Variants in MED13 observed in about 807,000 individuals in gnomAD.
MED13 encodes the protein mediator of RNA polymerase II transcription subunit 13.
In MED13, 23 loss-of-function variants were observed where a neutral mutation model predicts 225.2. The observed-to-expected ratio is 0.10, with a 90% CI of 0.07 to 0.14. The LOEUF is 0.14. Among genes scored for constraint, MED13 ranks in the 10% least tolerant of loss-of-function variants. The pLI, the probability that MED13 is intolerant of heterozygous loss-of-function variation, is 1.00. For missense variants in MED13, 2,197 were observed against 2,594.5 expected, an observed-to-expected ratio of 0.85 and a Z score of 3.33; for synonymous variants, 942 against 889.2, an observed-to-expected ratio of 1.06 and a Z score of -1.06.
chr17:61,995,045 T>C (rs1183522468), intron 10 of MED13, 107 bp downstream of exon 10: 1 of 854,908 alleles, frequency 1.2e-6, no homozygotes, highest in Non-Finnish European at 1.8e-6. Context: ...GATTACTCTT[T>C]CTATTCTAAG....
Position 62,023,881 on chromosome 17 carries a change from T to A in MED13, c.1283+5660A>T, listed in dbSNP as rs543465158. The stretch of plus-strand genomic sequence containing the variant: ...AAGTACAAAATGTAATACTAATTTT[T>A]TTAAGTAAATTATTAGAAATGCTGT... On this transcript the variant is annotated intron_variant, in intron 8 of 29. Transcript: ENST00000397786. Among the ~76,000 whole-genome samples, 8 of 152,326 alleles carry A rather than the reference T, an allele frequency of 5.3e-5. No homozygotes were observed. In the East Asian group the frequency reaches 1.5e-3, roughly 29 times the overall value.
Position 61,950,810 on chromosome 17 carries a change from C to T in MED13, c.6291+15G>A, listed in dbSNP as rs777199747. The T allele has an allele frequency of 1.3e-6, 2 of 1,598,022 alleles. No homozygotes were observed. The highest frequency in any genetic ancestry group is 2.2e-5 in the East Asian group (1 of 44,584). On this transcript the variant is annotated intron_variant, in intron 28 of 29. Transcript: ENST00000397786. ...AATCAGAATTATTTAGGAACTGGGA[C>T]AGAAATGGCAATACCTTAAGAAAAA...
intron 11 of MED13, among the ~76,000 whole-genome samples, chr17:61,990,355 A>G (rs2080285195): frequency 6.6e-6 from 1 of 151,874 alleles, no homozygotes; most frequent in African/African-American, 2.4e-5. Context: ...AAATAATTCC[A>G]AGTGTTTGCT....
chr17:61,960,109 C>T (rs2079986005), intron 23 of MED13, among the ~76,000 whole-genome samples: 1 of 152,104 alleles, frequency 6.6e-6, no homozygotes, highest in African/African-American at 2.4e-5. Flanking sequence ...GCCTTGAAAA[C>T]ATGTTTCAAG....
At chr17:61,949,021 G>A (rs1469435234) in intron 28 of MED13, among the ~76,000 whole-genome samples, 1 of 150,378 alleles carries the variant, frequency 6.6e-6, no homozygotes, top group Non-Finnish European at 1.5e-5. Context: ...CCGGGAGGCG[G>A]AGCTTGCAGT....
At chr17:62,061,413 T>G (rs552538166) in intron 2 of MED13, among the ~76,000 whole-genome samples, 1 of 152,266 alleles carries the variant, frequency 6.6e-6, no homozygotes, top group East Asian at 1.9e-4. Context: ...AAATTATCTT[T>G]GATTCTACAA....
intron 2 of MED13, among the ~76,000 whole-genome samples, chr17:62,056,680 G>C (rs1415507003): frequency 6.6e-6 from 1 of 152,104 alleles, no homozygotes; most frequent in African/African-American, 2.4e-5. Context: ...AGGATTGCTT[G>C]AGTCCAGGAG....
At chr17:62,037,955 C>CAAAAAAAAAA (rs397857634) in intron 3 of MED13, among the ~76,000 whole-genome samples, 55 of 64,758 alleles carry the variant, frequency 8.5e-4, no homozygotes, top group Non-Finnish European at 1.0e-3. Flanking sequence ...GACTTCATCT[C>CAAAAAAAAAA]AAAAAAAAAA....
At chr17:62,060,806 TCTC>T (rs1455682129) in intron 2 of MED13, among the ~76,000 whole-genome samples, 1 of 151,878 alleles carries the variant, frequency 6.6e-6, no homozygotes, top group Admixed American at 6.6e-5. Flanking sequence ...ATCAAGCAAT[TCTC>T]CTGCCTCAGC....
intron 9 of MED13, among the ~76,000 whole-genome samples, chr17:62,000,447 C>G (rs780266122): frequency 4.6e-5 from 7 of 152,128 alleles, no homozygotes; most frequent in Admixed American, 1.3e-4. Flanking sequence ...CACATGTTTA[C>G]GATGTACTCA....
At position 62,033,924 on chromosome 17, in the gene MED13, T is replaced by C. The variant is rs1368841242; in HGVS notation, c.677A>G (p.Asp226Gly). The C allele has an allele frequency of 1.2e-6, 2 of 1,614,122 alleles. No homozygotes were observed. Among genetic ancestry groups the C allele is most frequent in the South Asian group, 2.2e-5 (2 of 91,084 alleles). ...TLTGQAFKMSDSATKKLIGEW... is the reference protein window; with the variant it reads ...TLTGQAFKMSGSATKKLIGEW... ...ACCAATTAATTTTTTTGTAGCTGAA[T>C]CAGACATCTTGAATGCCTGTCCTGT... The change falls in exon 5 of 30, where the codon GAT (aspartate) becomes GGT (glycine). Residue 226 changes from aspartate (D) to glycine (G), a missense_variant. Around this residue, in one of 12 missense-constraint regions of MED13, gnomAD observed 884 missense variants for 918.5 expected, o/e 0.96. Coordinates refer to ENST00000397786, the MANE Select transcript of MED13 (RefSeq NM_005121.3).
intron 2 of MED13, 46 bp from the exon 3 acceptor site, chr17:62,052,751 T>C (rs773868978): frequency 3.4e-5 from 48 of 1,392,582 alleles, no homozygotes; most frequent in Non-Finnish European, 4.5e-5. Context: ...CACTATAATC[T>C]ATTCAGAGCC....
At chr17:61,964,668 G>C in intron 20 of MED13, among the ~76,000 whole-genome samples, 1 of 152,188 alleles carries the variant, frequency 6.6e-6, no homozygotes, top group Non-Finnish European at 1.5e-5. Flanking sequence ...GGGCGTGGTG[G>C]CTCACGTCTG....
At chr17:61,994,100 G>C (rs906740065) in intron 10 of MED13, among the ~76,000 whole-genome samples, 2 of 151,814 alleles carry the variant, frequency 1.3e-5, no homozygotes, top group Non-Finnish European at 2.9e-5. Context: ...CTGGGTTCAA[G>C]CGATTCTCCT....
intron 3 of MED13, among the ~76,000 whole-genome samples, chr17:62,046,189 C>A (rs1050770665): frequency 6.6e-6 from 1 of 152,102 alleles, no homozygotes; most frequent in Non-Finnish European, 1.5e-5. Context: ...CTATATCATT[C>A]CACTGAATTC....
intron 2 of MED13, among the ~76,000 whole-genome samples, chr17:62,060,262 C>T (rs1320771021): frequency 6.6e-6 from 1 of 151,856 alleles, no homozygotes; most frequent in Non-Finnish European, 1.5e-5. Context: ...CACTGCACTC[C>T]AGCCTGGGCG....
chr17:62,062,470 G>A (rs780309000), intron 2 of MED13, among the ~76,000 whole-genome samples: 3 of 152,108 alleles, frequency 2.0e-5, no homozygotes, highest in Non-Finnish European at 4.4e-5. Flanking sequence ...CTCTTATTAT[G>A]TTTGACAGAA....
chr17:61,983,896 T>C (rs2080226246), intron 15 of MED13, among the ~76,000 whole-genome samples: 1 of 151,974 alleles, frequency 6.6e-6, no homozygotes, highest in Non-Finnish European at 1.5e-5. Context: ...GCTTGGCTAA[T>C]TTTTGTATTT....
chr17:61,985,997 T>C (rs1396802180), intron 12 of MED13, among the ~76,000 whole-genome samples: 3 of 152,186 alleles, frequency 2.0e-5, no homozygotes, highest in Non-Finnish European at 4.4e-5. Flanking sequence ...CTTACCAGTG[T>C]TTTCAGAGCT....
Sources: allele counts gnomAD v4.1 joint callset (sites outside exome capture counted in the v4.1 genomes callset), GRCh38; gene constraint gnomAD v4.1.1; regional missense constraint gnomAD v4.1.1; transcripts MANE v1.5; gene names NCBI Gene and HGNC (gene_info 2026-07-23, HGNC 2026-07-21).